Variants in ATP2B2 observed in about 807,000 individuals in gnomAD.
ATP2B2 encodes the protein plasma membrane calcium-transporting ATPase 2.
ATP2B2 carries 15 observed loss-of-function variants against 120.0 expected under a neutral mutation model. That is an observed-to-expected ratio of 0.12 (90% CI 0.08 to 0.19). ATP2B2 has a LOEUF of 0.19. ATP2B2 is among the 10% of genes least tolerant of loss of function. The pLI is 1.00. For synonymous variants in ATP2B2, 694 were observed against 700.3 expected, an observed-to-expected ratio of 0.99 and a Z score of 0.14; for missense variants, 1,045 against 1,719.8, an observed-to-expected ratio of 0.61 and a Z score of 6.94.
At chr3:10,457,628 GC>G (rs547492404) in intron 1 of ATP2B2, among the ~76,000 whole-genome samples, 51 of 152,174 alleles carry the variant, frequency 3.4e-4, no homozygotes, top group Admixed American at 7.8e-4. Context: ...GGGTGTGCAA[GC>G]CCCATGATGT....
At chr3:10,398,522 G>T (rs566530624) in intron 5 of ATP2B2, among the ~76,000 whole-genome samples, 1 of 152,200 alleles carries the variant, frequency 6.6e-6, no homozygotes, top group African/African-American at 2.4e-5. Flanking sequence ...GACCCCAGCA[G>T]CCCAGGCTTC....
chr3:10,659,734 A>T (rs987990268), intron 1 of ATP2B2, among the ~76,000 whole-genome samples: 2 of 152,252 alleles, frequency 1.3e-5, no homozygotes, highest in African/African-American at 4.8e-5. Context: ...TCAGCTCTGC[A>T]CCAAGTGGAC....
intron 1 of ATP2B2, among the ~76,000 whole-genome samples, chr3:10,629,523 C>T (rs889011654): frequency 2.0e-5 from 3 of 152,212 alleles, no homozygotes; most frequent in African/African-American, 7.2e-5. Flanking sequence ...CTTGGGAGAC[C>T]ACAGGCGTCG....
At chr3:10,333,032 G>T (rs563257423) in intron 22 of ATP2B2, among the ~76,000 whole-genome samples, 1 of 152,302 alleles carries the variant, frequency 6.6e-6, no homozygotes, top group East Asian at 1.9e-4. Context: ...ACTGCGGTCA[G>T]GCTTACCATG....
At chr3:10,647,797 A>G (rs1357265417) in intron 1 of ATP2B2, among the ~76,000 whole-genome samples, 1 of 152,204 alleles carries the variant, frequency 6.6e-6, no homozygotes, top group Non-Finnish European at 1.5e-5. Flanking sequence ...GTGATGAATA[A>G]AAGAGCAGGC....
At chr3:10,518,407 C>T (rs768690768) in intron 3 of ATP2B2, among the ~76,000 whole-genome samples, 6 of 152,096 alleles carry the variant, frequency 3.9e-5, no homozygotes, top group East Asian at 3.9e-4. Flanking sequence ...AGGCTTGATC[C>T]GATCTGGACT....
chr3:10,580,322 T>G (rs2068359466), intron 2 of ATP2B2, among the ~76,000 whole-genome samples: 1 of 152,182 alleles, frequency 6.6e-6, no homozygotes, highest in Non-Finnish European at 1.5e-5. Context: ...TGGGTCTCAG[T>G]TTCCCTGCTC....
chr3:10,482,498 TTTCC>T (rs1296494736), intron 1 of ATP2B2, among the ~76,000 whole-genome samples: 2 of 152,196 alleles, frequency 1.3e-5, no homozygotes, highest in Admixed American at 6.5e-5. Flanking sequence ...AAGGCAGCCC[TTTCC>T]TGGCCAGGCT....
At chr3:10,377,350 C>G (rs1201681919) in intron 10 of ATP2B2, among the ~76,000 whole-genome samples, 1 of 152,208 alleles carries the variant, frequency 6.6e-6, no homozygotes, top group African/African-American at 2.4e-5. Flanking sequence ...TCCCAGCTAG[C>G]CGGGAGCTGT....
At chr3:10,596,492 C>T (rs748039417) in intron 2 of ATP2B2, among the ~76,000 whole-genome samples, 2 of 152,192 alleles carry the variant, frequency 1.3e-5, no homozygotes, top group African/African-American at 2.4e-5. Context: ...AAGGGAGATG[C>T]CAAGGCTTTG....
chr3:10,391,018 G>A (rs117537169), intron 5 of ATP2B2, among the ~76,000 whole-genome samples: 2 of 152,190 alleles, frequency 1.3e-5, no homozygotes, highest in African/African-American at 2.4e-5. Context: ...AGAAACTGGG[G>A]TCTCATGGCG....
At position 10,517,643 on chromosome 3, in the gene ATP2B2, G is replaced by T. The variant is rs1023296993; in HGVS notation, c.-320+16396C>A. Among the ~76,000 whole-genome samples, 3 of 152,194 alleles carry T rather than the reference G, an allele frequency of 2.0e-5. No homozygotes were observed. In the East Asian group the frequency reaches 5.8e-4, roughly 29 times the overall value. On this transcript the variant is annotated intron_variant, in intron 3 of 21. Coordinates refer to the ATP2B2 transcript ENST00000646379. The stretch of plus-strand genomic sequence containing the variant: ...GGCACCGGGCTAAGAAAGCCTTGAG[G>T]TGGAGTAAACTCACTGAATCCGTGC...
At chr3:10,386,216 G>C (rs1479762438) in intron 7 of ATP2B2, among the ~76,000 whole-genome samples, 1 of 152,162 alleles carries the variant, frequency 6.6e-6, no homozygotes, top group Non-Finnish European at 1.5e-5. Context: ...GCAGGGCTAA[G>C]GGTGGTGTAG....
At chr3:10,669,754 C>T (rs1220620207) in intron 1 of ATP2B2, among the ~76,000 whole-genome samples, 1 of 152,150 alleles carries the variant, frequency 6.6e-6, no homozygotes, top group African/African-American at 2.4e-5. Flanking sequence ...CATTTTATAA[C>T]CAAATTGTCA....
chr3:10,631,522 G>T (rs1447016330), intron 1 of ATP2B2, among the ~76,000 whole-genome samples: 2 of 152,174 alleles, frequency 1.3e-5, no homozygotes, highest in African/African-American at 2.4e-5. Flanking sequence ...TAATCAAGCT[G>T]CCACCCCTCT....
chr3:10,396,262 G>A (rs1397343556), intron 5 of ATP2B2, among the ~76,000 whole-genome samples: 1 of 152,250 alleles, frequency 6.6e-6, no homozygotes, highest in Non-Finnish European at 1.5e-5. Context: ...GCATGCCTGT[G>A]GTCCCCACAA....
intron 1 of ATP2B2, among the ~76,000 whole-genome samples, chr3:10,624,020 G>A (rs1023367670): frequency 2.0e-5 from 3 of 152,156 alleles, no homozygotes; most frequent in Non-Finnish European, 4.4e-5. Context: ...AGTGATCTCT[G>A]GGGAGCACTA....
At chr3:10,624,683 G>A (rs2069645169) in intron 1 of ATP2B2, among the ~76,000 whole-genome samples, 1 of 152,212 alleles carries the variant, frequency 6.6e-6, no homozygotes, top group Admixed American at 6.5e-5. Context: ...ATCAGCCCTG[G>A]TGGAATGAAT....
chr3:10,606,974 GAGAGAAAGAAAGAGAGAGAGAGAGAC>G (rs2069101959), intron 2 of ATP2B2, among the ~76,000 whole-genome samples: 1 of 72,978 alleles, frequency 1.4e-5, no homozygotes, highest in Non-Finnish European at 2.6e-5. Context: ...GAGAGAGAGA[GAGAGAAAGAAAGAGAGAGAGAGAGAC>G]AGAGAGAGAG....
Sources: gnomAD v4.1 joint callset for allele counts (sites outside exome capture counted in the v4.1 genomes callset) on GRCh38, gnomAD v4.1.1 for gene constraint, MANE v1.5 for transcripts, NCBI Gene and HGNC (gene_info 2026-07-23, HGNC 2026-07-21) for gene names.